The following ZNF707 variants were observed in gnomAD, a reference collection of about 807,000 sequenced individuals.
ZNF707 encodes zinc finger protein 707.
Under a neutral mutation model 13.3 loss-of-function variants are expected in ZNF707, and 8 were observed. That is an observed-to-expected ratio of 0.60 (90% confidence interval 0.35 to 1.09). The LOEUF (loss-of-function observed/expected upper bound fraction) is 1.09. ZNF707 is among the 50% of genes least tolerant of loss of function. ZNF707 has a pLI of 0.02. For missense variants in ZNF707, 530 were observed against 512.6 expected (o/e 1.03, Z -0.33); for synonymous variants, 225 against 205.6 (o/e 1.09, Z -0.81).
intron 3 of ZNF707, 37 bp from the exon 4 acceptor site, chr8:143,691,036 T>G (rs782226734): frequency 1.2e-6 from 2 of 1,612,338 alleles, no homozygotes; most frequent in East Asian, 4.5e-5. Flanking sequence ...CTTCTTTTTC[T>G]TGGGAATGGC....
chr8:143,694,755 G>A lies in ZNF707; in HGVS notation c.*225G>A, dbSNP rs2131545797. ...AGATGGCGGGGGCTCTGGAGATGGC[G>A]GGGGCTGCGCCCCGGCGCCGGGCAT... On this transcript the variant is annotated 3_prime_UTR_variant, in exon 6 of 6. Coordinates refer to ENST00000358656, the MANE Select transcript of ZNF707 (RefSeq NM_001100598.2). This position sits in a 1 kb window ranked among gnomAD's most constrained non-coding sequence, Gnocchi z 4.4. The A allele has an allele frequency of 5.5e-6, 3 of 541,788 alleles. No individual in the cohort carries two copies. The East Asian group carries it at 9.3e-5, about 17-fold the overall frequency. The allele number at this position is 541,788 out of a possible 1,614,324, so 33.6% of individuals were successfully genotyped here. A position where few individuals can be genotyped will look rare whatever the true frequency, so the allele number is the denominator to read the frequency against.
intron 1 of ZNF707, among the ~76,000 whole-genome samples, chr8:143,687,228 C>A (rs1233106146): frequency 1.3e-5 from 2 of 151,060 alleles, no homozygotes; most frequent in African/African-American, 4.9e-5. Flanking sequence ...TGTTTGTCTA[C>A]CCCAATGTTG....
chr8:143,694,145 A>AGGACCGCC lies in ZNF707; in HGVS notation c.732_739dup (p.Leu247ArgfsTer96). 1 of 1,591,216 alleles carries AGGACCGCC rather than the reference A, an allele frequency of 6.3e-7. No homozygotes were observed. Among genetic ancestry groups the AGGACCGCC allele is most frequent in the South Asian group, 1.1e-5 (1 of 88,476 alleles). On this transcript the variant is annotated frameshift_variant, in exon 6 of 6. Coordinates refer to ENST00000358656, the MANE Select transcript of ZNF707 (RefSeq NM_001100598.2). LOFTEE classifies it low-confidence loss of function (END_TRUNC). This position sits in a 1 kb window ranked among gnomAD's most constrained non-coding sequence, Gnocchi z 4.4. ...GCCTGCGGGCAGGCGTTCAGCCTGA[A>AGGACCGCC]GGACCGCCTGGCTCAGCACCGCAAG...
Position 143,691,144 on chromosome 8 carries a change from G to C in ZNF707, c.87G>C (p.Gln29His), listed in dbSNP as rs1816771031. The C allele has an allele frequency of 6.2e-7, 1 of 1,613,760 alleles. No homozygotes were observed. The highest frequency in any genetic ancestry group is 1.1e-5 in the South Asian group (1 of 91,090). Residue 29 changes from glutamine to histidine, a missense_variant, in exon 4 of 6, where the codon CAG becomes CAC. By Grantham distance (24) the Gln-to-His change is conservative. Transcript: ENST00000358656. The part of the protein sequence containing the change: ...REEWACLEPS[Q>H]RALYRDVMLD... ...AGTGGGCGTGTCTGGAACCCAGCCA[G>C]AGGGCCCTCTACCGGGACGTGATGC...
At position 143,693,557 on chromosome 8, in the gene ZNF707, A is replaced by G; in HGVS notation, c.257-114A>G. 8.0e-7 allele frequency: 1 copy of G among 1,245,392 alleles called. No individual in the cohort carries two copies. Among genetic ancestry groups the G allele is most frequent in the Non-Finnish European group, 1.1e-6 (1 of 942,972 alleles). 77.1% of individuals were successfully genotyped at this position (1,245,392 alleles called of 1,614,324 possible). ...TGATCCACCCGCCTCGGCCTCCCAA[A>G]GTGCTGGGATTACAGGCGTGAGCCA... is the stretch of plus-strand genomic sequence containing the variant. On this transcript the variant is annotated intron_variant, in intron 5 of 5. Transcript: ENST00000358656. The surrounding 1 kb of genome is among the most constrained non-coding windows in gnomAD (Gnocchi z 4.1).
intron 4 of ZNF707, 62 bp from the exon 5 acceptor site, chr8:143,691,538 G>C: frequency 6.6e-7 from 1 of 1,509,462 alleles, no homozygotes; most frequent in Non-Finnish European, 9.0e-7. Flanking sequence ...ACTGCTCTGA[G>C]CCTCGACCCT....
At chr8:143,691,311 G>T in intron 4 of ZNF707, 112 bp downstream of exon 4, 1 of 1,456,952 alleles carries the variant, frequency 6.9e-7, no homozygotes. Flanking sequence ...AGCTGAGGGG[G>T]CTCAGGAGCT....
intron 1 of ZNF707, among the ~76,000 whole-genome samples, chr8:143,685,634 G>T (rs931448727): frequency 3.3e-5 from 5 of 151,884 alleles, no homozygotes; most frequent in African/African-American, 1.2e-4. Context: ...GAGGCCAGGA[G>T]TTTGAGATCA....
At chr8:143,686,398 T>G (rs1816276459) in intron 1 of ZNF707, among the ~76,000 whole-genome samples, 1 of 151,738 alleles carries the variant, frequency 6.6e-6, no homozygotes, top group African/African-American at 2.4e-5. Flanking sequence ...ATCACTGTGG[T>G]CATTGCTACT....
chr8:143,685,518 AT>A (rs1366944972), intron 1 of ZNF707, among the ~76,000 whole-genome samples: 3 of 117,088 alleles, frequency 2.6e-5, no homozygotes, highest in African/African-American at 1.0e-4. Flanking sequence ...AGAGCGAGAC[AT>A]CATCTTATTA....
Position 143,693,820 on chromosome 8 carries a change from G to A in ZNF707, c.406G>A (p.Ala136Thr). 6.2e-7 allele frequency: 1 copy of A among 1,612,762 alleles called. No individual in the cohort carries two copies. Residue 136 changes from alanine (A) to threonine (T), a missense_variant, in exon 6 of 6, where the codon GCT (alanine) becomes ACT (threonine). Coordinates refer to ENST00000358656, the MANE Select transcript of ZNF707 (RefSeq NM_001100598.2). This position sits in a 1 kb window ranked among gnomAD's most constrained non-coding sequence, Gnocchi z 4.1. ...LDTDDGQLPR[A>T]APERTDAKPT... ...CACGGATGACGGGCAGCTTCCCAGA[G>A]CTGCTCCAGAAAGGACAGACGCCAA...
Position 143,694,409 on chromosome 8 carries a change from GCATC to G in ZNF707, c.998_1001del (p.Ile333ThrfsTer6). On this transcript the variant is annotated frameshift_variant, in exon 6 of 6. Transcript: ENST00000358656. LOFTEE classifies it low-confidence loss of function (END_TRUNC). The surrounding 1 kb of genome is among the most constrained non-coding windows in gnomAD (Gnocchi z 4.4). ...TCCTTCCGGTGGCCCAAGGGCTTCA[GCATC>G]CACCGGAGGCTGCACCTGACGAAGA... 6.2e-7 allele frequency: 1 copy of G among 1,612,376 alleles called. No homozygotes were observed. Among genetic ancestry groups the G allele is most frequent in the Non-Finnish European group, 8.5e-7 (1 of 1,179,612 alleles).
chr8:143,694,458 C>A lies in ZNF707; in HGVS notation c.1044C>A (p.His348Gln). Residue 348 changes from histidine (H) to glutamine (Q), a missense_variant, in exon 6 of 6, where the codon CAC (histidine) becomes CAA (glutamine). Transcript: ENST00000358656. The surrounding 1 kb of genome is among the most constrained non-coding windows in gnomAD (Gnocchi z 4.4). ...CGAAGAGGTTCTACGAGTGCGGCCA[C>A]TGTGGGAAAGGCTTCCGTCACCTGG... is the stretch of plus-strand genomic sequence containing the variant. ...HLTKRFYECG[H>Q]CGKGFRHLGF... The A allele has an allele frequency of 6.2e-7, 1 of 1,612,118 alleles. No individual in the cohort carries two copies. The highest frequency in any genetic ancestry group is 1.1e-5 in the South Asian group (1 of 91,014).
intron 1 of ZNF707, among the ~76,000 whole-genome samples, chr8:143,686,464 T>G (rs1554612040): frequency 1.3e-5 from 2 of 152,224 alleles, no homozygotes; most frequent in African/African-American, 4.8e-5. Context: ...ATGACCCATG[T>G]GCTCAGTGTG....
At chr8:143,689,496 T>C (rs4875039) in intron 2 of ZNF707, among the ~76,000 whole-genome samples, 195 bp downstream of exon 2, 145,910 of 152,238 alleles carry the variant, frequency 0.96, 70,204 homozygotes, top group East Asian at 1. Flanking sequence ...CTCAGCGGGC[T>C]GGGGCCCTAA....
chr8:143,692,971 C>T (rs1323151886), intron 5 of ZNF707, among the ~76,000 whole-genome samples: 3 of 152,114 alleles, frequency 2.0e-5, no homozygotes, highest in Admixed American at 6.5e-5. Flanking sequence ...GTCTTCTAGA[C>T]GACATCCTAG....
chr8:143,685,090 C>A (rs916345737), intron 1 of ZNF707: 1 of 152,356 alleles, frequency 6.6e-6, no homozygotes, highest in African/African-American at 2.4e-5. Context: ...CATAACTGAA[C>A]CATTTGCCTC....
At position 143,693,805 on chromosome 8, in the gene ZNF707, G is replaced by A. The variant is rs201208849; in HGVS notation, c.391G>A (p.Gly131Arg). The A allele has an allele frequency of 7.6e-5, 122 of 1,612,848 alleles. No individual in the cohort carries two copies. The highest frequency in any genetic ancestry group is 6.0e-4 in the South Asian group (55 of 91,082). ...GGGCTTCAGGCTGGACACGGATGAC[G>A]GGCAGCTTCCCAGAGCTGCTCCAGA... is the stretch of plus-strand genomic sequence containing the variant. ...RKGFRLDTDDGQLPRAAPERT... is the reference protein window; with the variant it reads ...RKGFRLDTDDRQLPRAAPERT... The change falls in exon 6 of 6, where the codon GGG becomes AGG. Residue 131 changes from glycine to arginine, a missense_variant. Physicochemically the swap from Gly to Arg is moderately radical, Grantham distance 125. Transcript: ENST00000358656. The surrounding 1 kb of genome is among the most constrained non-coding windows in gnomAD (Gnocchi z 4.1).
chr8:143,684,728 C>G (rs1371742910), intron 1 of ZNF707, 186 bp downstream of exon 1: 1 of 152,398 alleles, frequency 6.6e-6, no homozygotes, highest in Non-Finnish European at 1.5e-5. Context: ...TCGGCCTCCT[C>G]TTCTCTCCTC....
Sources: allele counts gnomAD v4.1 joint callset (sites outside exome capture counted in the v4.1 genomes callset), GRCh38; gene constraint gnomAD v4.1.1; non-coding constraint Gnocchi (gnomAD v3.1); transcripts MANE v1.5; gene names NCBI Gene and HGNC (gene_info 2026-07-23, HGNC 2026-07-21).